Variants in CARF observed in about 807,000 individuals in gnomAD.
The protein encoded by CARF is calcium-responsive transcription factor.
In CARF, 57 loss-of-function variants were observed where a neutral mutation model predicts 82.0. The ratio of observed to expected loss-of-function variants is 0.70; its 90% CI spans 0.56 to 0.87. The LOEUF is 0.87. Among genes scored for constraint, CARF ranks in the 40% least tolerant of loss-of-function variants. CARF has a pLI of 0.00. For missense variants in CARF, 771 were observed against 855.8 expected, an observed-to-expected ratio of 0.90 and a Z score of 1.24; for synonymous variants, 268 against 290.1, an observed-to-expected ratio of 0.92 and a Z score of 0.77.
In CARF at chr2:202,942,960, C is replaced by G; in HGVS notation, c.299C>G (p.Ala100Gly). ...CTTCAGTCATTGGGGGAATCCAATG[C>G]ACAAATGGTGAGTATATTTTATAAG... Reference protein sequence around the residue: ...YELQSLGESNAQMMIVASPTE... With the variant: ...YELQSLGESNGQMMIVASPTE... The change falls in exon 5 of 17, where the codon GCA (alanine) becomes GGA (glycine). Residue 100 changes from alanine (A) to glycine (G), a missense_variant. Physicochemically the swap from Ala to Gly is moderately conservative, Grantham distance 60. Transcript: ENST00000438828. 1 of 1,612,304 alleles carries G rather than the reference C, an allele frequency of 6.2e-7. No homozygotes were observed. The highest frequency in any genetic ancestry group is 8.5e-7 in the Non-Finnish European group (1 of 1,178,538).
chr2:202,917,882 A>AT lies in CARF; in HGVS notation c.-323dup, dbSNP rs1311249071. ...TAAATACCTTCTCATTACAGAGAAA[A>AT]TGCTGCTGTGAAGACCCAATTAAAG... On this transcript the variant is annotated 5_prime_UTR_variant, in exon 2 of 17. It removes an upstream start codon present in the reference 5' UTR. Transcript: ENST00000438828. 7.2e-6 allele frequency: 2 copies of AT among 278,800 alleles called. No homozygotes were observed. Among genetic ancestry groups the AT allele is most frequent in the Non-Finnish European group, 1.4e-5 (2 of 139,498 alleles). 17.3% of individuals were successfully genotyped at this position (278,800 alleles called of 1,614,324 possible).
intron 5 of CARF, among the ~76,000 whole-genome samples, chr2:202,949,370 ACT>A (rs2058651022): frequency 6.6e-6 from 1 of 151,324 alleles, no homozygotes; most frequent in African/African-American, 2.4e-5. Flanking sequence ...GATATGTCTC[ACT>A]CTGTCACCTA....
At chr2:202,936,200 C>A (rs1693911075) in intron 3 of CARF, among the ~76,000 whole-genome samples, 1 of 152,070 alleles carries the variant, frequency 6.6e-6, no homozygotes, top group African/African-American at 2.4e-5. Context: ...AATATCTAGT[C>A]CACGTTCATA....
chr2:202,942,557 GT>G, intron 4 of CARF, 182 bp from the exon 5 acceptor site: 1 of 747,942 alleles, frequency 1.3e-6, no homozygotes, highest in Non-Finnish European at 1.6e-6. Context: ...AATTAAGATA[GT>G]AAGTATAATA....
At chr2:202,981,801 T>G (rs578251717) in intron 15 of CARF, 116 bp downstream of exon 15, 2 of 1,015,498 alleles carry the variant, frequency 2.0e-6, no homozygotes, top group East Asian at 5.0e-5. Flanking sequence ...TGATGAAATA[T>G]GTTTTCATTG....
chr2:202,941,787 A>G (rs2058241105), intron 3 of CARF, 73 bp from the exon 4 acceptor site: 1 of 682,776 alleles, frequency 1.5e-6, no homozygotes, highest in Non-Finnish European at 2.5e-6. Flanking sequence ...TGAATATGAG[A>G]GATTTGTTTA....
intron 3 of CARF, among the ~76,000 whole-genome samples, chr2:202,934,841 C>A (rs1693605618): frequency 6.6e-6 from 1 of 151,608 alleles, no homozygotes; most frequent in Non-Finnish European, 1.5e-5. Context: ...TTTGGGAGGC[C>A]AAGGTGGGTA....
chr2:202,958,664 T>C (rs974219230), intron 8 of CARF, among the ~76,000 whole-genome samples: 1 of 152,026 alleles, frequency 6.6e-6, no homozygotes, highest in Admixed American at 6.6e-5. Context: ...GTCAGTACTT[T>C]AGGAGGTTGA....
At chr2:202,935,492 A>G (rs1693785031) in intron 3 of CARF, among the ~76,000 whole-genome samples, 1 of 151,956 alleles carries the variant, frequency 6.6e-6, no homozygotes. Flanking sequence ...CACAGGCTGG[A>G]GTGCAGTGGC....
intron 3 of CARF, chr2:202,925,426 C>G: frequency 3.3e-6 from 1 of 301,008 alleles, no homozygotes; most frequent in South Asian, 3.8e-5. Flanking sequence ...TGCCGAGGTC[C>G]GTGCCCAGTA....
chr2:202,981,714 G>C (rs753599347), intron 15 of CARF, 29 bp downstream of exon 15: 1 of 1,594,634 alleles, frequency 6.3e-7, no homozygotes, highest in South Asian at 1.1e-5. Flanking sequence ...ATCCAAATTT[G>C]AGGTCCTTCT....
At chr2:202,975,482 G>A (rs1206265169) in intron 13 of CARF, among the ~76,000 whole-genome samples, 3 of 151,900 alleles carry the variant, frequency 2.0e-5, no homozygotes, top group Non-Finnish European at 2.9e-5. Context: ...GGTGGCGTGC[G>A]CCTGTAATCC....
At position 202,986,905 on chromosome 2, in the gene CARF, T is replaced by TATATATATACAC. The variant is rs1559299503; in HGVS notation, c.*3284_*3285insTATATACACATA. ...ATATATATATATATATATATATATA[T>TATATATATACAC]ATAGCAACTTGATGTATAGTGTCCT... On this transcript the variant is annotated 3_prime_UTR_variant, in exon 17 of 17. Transcript: ENST00000438828. The TATATATATACAC allele has an allele frequency of 7.8e-6, 1 of 127,800 alleles. No homozygotes were observed. The highest frequency in any genetic ancestry group is 2.2e-4 in the East Asian group (1 of 4,584). 7.9% of individuals were successfully genotyped at this position (127,800 alleles called of 1,614,324 possible). A position where few individuals can be genotyped will look rare whatever the true frequency, so the allele number is the denominator to read the frequency against.
At chr2:202,915,555 C>G (rs186514102) in intron 1 of CARF, among the ~76,000 whole-genome samples, 31 of 152,200 alleles carry the variant, frequency 2.0e-4, no homozygotes, top group African/African-American at 7.5e-4. Flanking sequence ...CTGCAACCTC[C>G]AACTCCCTGG....
rs1032195138 is a variant in CARF, at chr2:202,952,614, C to G, written c.362C>G (p.Thr121Ser). 1 of 1,613,436 alleles carries G rather than the reference C, an allele frequency of 6.2e-7. No homozygotes were observed. The highest frequency in any genetic ancestry group is 2.2e-5 in the East Asian group (1 of 44,856). Reference protein sequence around the residue: ...NGQVLRVIPPTQTGMAQVIIP... With the variant: ...NGQVLRVIPPSQTGMAQVIIP... ...CAGGTACTTCGTGTAATTCCACCTA[C>G]CCAGACAGGAATGGCACAAGTGATT... The change falls in exon 6 of 17, where the codon ACC becomes AGC. Residue 121 changes from threonine (T) to serine (S), a missense_variant. Transcript: ENST00000438828.
chr2:202,930,116 C>T (rs1166155510), intron 3 of CARF, among the ~76,000 whole-genome samples: 4 of 151,844 alleles, frequency 2.6e-5, no homozygotes, highest in Admixed American at 2.6e-4. Flanking sequence ...GGCTCGATCT[C>T]GGCTCACTCC....
intron 5 of CARF, among the ~76,000 whole-genome samples, chr2:202,944,423 T>C (rs1358443886): frequency 6.6e-6 from 1 of 152,208 alleles, no homozygotes; most frequent in Non-Finnish European, 1.5e-5. Flanking sequence ...AATTATAAAT[T>C]ATACCACAGG....
At chr2:202,965,210 ATC>A (rs1351524024) in intron 9 of CARF, among the ~76,000 whole-genome samples, 1 of 151,876 alleles carries the variant, frequency 6.6e-6, no homozygotes, top group Non-Finnish European at 1.5e-5. Context: ...TTTGTTCTTT[ATC>A]TCTTGTATTT....
At chr2:202,957,889 T>C (rs2059123457) in intron 8 of CARF, among the ~76,000 whole-genome samples, 1 of 151,822 alleles carries the variant, frequency 6.6e-6, no homozygotes, top group African/African-American at 2.4e-5. Flanking sequence ...GAGGTTGCAG[T>C]GAGCCAACAT....
Sources: gnomAD v4.1 joint callset for allele counts (sites outside exome capture counted in the v4.1 genomes callset) on GRCh38, gnomAD v4.1.1 for gene constraint, MANE v1.5 for transcripts, NCBI Gene and HGNC (gene_info 2026-07-23, HGNC 2026-07-21) for gene names.